BCAS3: variants seen among roughly 807,000 people sequenced by gnomAD.
BCAS3 encodes BCAS4/BCAS3 fusion.
In BCAS3, 53 loss-of-function variants were observed where a neutral mutation model predicts 116.1. The ratio of observed to expected loss-of-function variants is 0.46; its 90% CI spans 0.37 to 0.57. The LOEUF (loss-of-function observed/expected upper bound fraction) is 0.57. BCAS3 is among the 20% of genes least tolerant of loss of function. The probability of loss-of-function intolerance (pLI) is 0.00; values close to 1 mark genes in which losing one functional copy is unlikely to be tolerated. For synonymous variants in BCAS3, 391 were observed against 408.2 expected, an observed-to-expected ratio of 0.96 and a Z score of 0.51; for missense variants, 917 against 1,165.4, an observed-to-expected ratio of 0.79 and a Z score of 3.10.
In BCAS3 at chr17:60,799,735, T is replaced by TTTTTTTTA. The variant is rs1429156594; in HGVS notation, c.404-8269_404-8268insTTTTTTTA. On this transcript the variant is annotated intron_variant, in intron 6 of 23. Transcript: ENST00000407086. ...TTTTTTTTTTTTTTTTTTTTTTTTT[T>TTTTTTTTA]AGTAGAACTGGGGTTTCACCATGTT... Among the ~76,000 whole-genome samples the TTTTTTTTA allele has an allele frequency of 2.7e-4, 27 of 100,560 alleles. 2 individuals are homozygous for TTTTTTTTA. Among genetic ancestry groups the TTTTTTTTA allele is most frequent in the African/African-American group, 9.4e-4 (27 of 28,784 alleles). 66.0% of individuals were successfully genotyped at this position (100,560 alleles called of 152,430 possible).
At chr17:60,935,147 G>A (rs780555892) in intron 13 of BCAS3, among the ~76,000 whole-genome samples, 2 of 152,136 alleles carry the variant, frequency 1.3e-5, no homozygotes, top group Non-Finnish European at 2.9e-5. Flanking sequence ...GAAGGTTTAT[G>A]TATGGACTTA....
intron 22 of BCAS3, among the ~76,000 whole-genome samples, chr17:61,230,675 C>A (rs1480517557): frequency 6.6e-6 from 1 of 152,166 alleles, no homozygotes; most frequent in East Asian, 1.9e-4. Context: ...CACATTTGCT[C>A]TATCCAATCT....
chr17:61,329,380 G>T (rs1295426561), intron 22 of BCAS3, among the ~76,000 whole-genome samples: 1 of 142,016 alleles, frequency 7.0e-6, no homozygotes, highest in Non-Finnish European at 1.5e-5. Context: ...TCGCTCTGTC[G>T]CCCAGGCCGG....
At chr17:60,903,588 C>G (rs923825368) in intron 11 of BCAS3, among the ~76,000 whole-genome samples, 3 of 152,182 alleles carry the variant, frequency 2.0e-5, no homozygotes, top group African/African-American at 7.2e-5. Context: ...GCTGGGACTA[C>G]GGGCGCATGC....
At chr17:61,002,591 C>T (rs977812544) in intron 15 of BCAS3, 3 of 152,088 alleles carry the variant, frequency 2.0e-5, no homozygotes, top group Non-Finnish European at 4.4e-5. Flanking sequence ...TATTCTTCAA[C>T]GTCTTCTTAG....
At chr17:61,067,273 G>GTATGTATATA (rs1555696736) in intron 19 of BCAS3, among the ~76,000 whole-genome samples, 5 of 58,800 alleles carry the variant, frequency 8.5e-5, no homozygotes, top group Admixed American at 2.1e-4. Flanking sequence ...GTGTGTATGT[G>GTATGTATATA]TATATATATA....
chr17:61,167,013 C>T (rs541128109), intron 22 of BCAS3, among the ~76,000 whole-genome samples: 1 of 152,318 alleles, frequency 6.6e-6, no homozygotes, highest in South Asian at 2.1e-4. Context: ...TTCCAAAGTG[C>T]TGGGATTACA....
At chr17:61,183,815 GGCT>G (rs1396038310) in intron 22 of BCAS3, among the ~76,000 whole-genome samples, 1 of 152,212 alleles carries the variant, frequency 6.6e-6, no homozygotes, top group African/African-American at 2.4e-5. Context: ...ATTGTTGATA[GGCT>G]GAAAGCCAAA....
intron 22 of BCAS3, among the ~76,000 whole-genome samples, chr17:61,257,348 G>A (rs1001501669): frequency 2.0e-5 from 3 of 149,830 alleles, no homozygotes; most frequent in Non-Finnish European, 4.4e-5. Context: ...GTGAACCTGG[G>A]AGGCGGAGGT....
At chr17:60,815,972 T>A (rs1433502700) in intron 7 of BCAS3, among the ~76,000 whole-genome samples, 1 of 152,212 alleles carries the variant, frequency 6.6e-6, no homozygotes, top group Non-Finnish European at 1.5e-5. Context: ...ACTCATCCTT[T>A]ATTTTTTAGT....
At chr17:60,734,150 T>C (rs929494867) in intron 5 of BCAS3, among the ~76,000 whole-genome samples, 2 of 152,220 alleles carry the variant, frequency 1.3e-5, no homozygotes, top group African/African-American at 2.4e-5. Context: ...ATCCCCAGGC[T>C]AGAGTTTTGC....
intron 22 of BCAS3, among the ~76,000 whole-genome samples, chr17:61,091,385 A>G (rs1407315592): frequency 2.6e-5 from 4 of 151,898 alleles, no homozygotes; most frequent in African/African-American, 7.2e-5. Context: ...GCATCACACT[A>G]TGGTGGCAGG....
intron 22 of BCAS3, among the ~76,000 whole-genome samples, chr17:61,322,802 G>GAGAGAGAGAGAGAGAGAGAGAGAGAGAC (rs1568850137): frequency 8.0e-5 from 10 of 125,390 alleles, no homozygotes; most frequent in South Asian, 2.6e-4. Flanking sequence ...GACAGAGAGA[G>GAGAGAGAGAGAGAGAGAGAGAGAGAGAC]AGAGAGAGAG....
chr17:60,978,512 TC>T (rs1216504629), intron 14 of BCAS3, among the ~76,000 whole-genome samples: 2 of 149,548 alleles, frequency 1.3e-5, no homozygotes, highest in Non-Finnish European at 3.0e-5. Context: ...TTTAATTAGA[TC>T]CCATTTGTCA....
At position 61,195,959 on chromosome 17, in the gene BCAS3, A is replaced by G. The variant is rs148958640; in HGVS notation, c.2425+111395A>G. On this transcript the variant is annotated intron_variant, in intron 22 of 23. Transcript: ENST00000407086. ...CTGATTTTTATCTTTTTGTGCTGTT[A>G]AAGTATAAGGATCTAGAATTTTTAT... is the stretch of plus-strand genomic sequence containing the variant. Among the ~76,000 whole-genome samples the G allele has an allele frequency of 8.4e-4, 128 of 152,360 alleles. 1 individual carries two copies. The highest frequency in any genetic ancestry group is 2.9e-3 in the African/African-American group (119 of 41,586).
intron 22 of BCAS3, among the ~76,000 whole-genome samples, chr17:61,194,364 C>T (rs558680247): frequency 6.6e-6 from 1 of 152,190 alleles, no homozygotes; most frequent in East Asian, 1.9e-4. Flanking sequence ...TCAGTTAATT[C>T]CCCCAGCAAG....
chr17:60,924,122 A>G (rs1427638368), intron 12 of BCAS3, among the ~76,000 whole-genome samples: 4 of 151,922 alleles, frequency 2.6e-5, no homozygotes, highest in African/African-American at 9.7e-5. Flanking sequence ...TGATTGTATC[A>G]TTTTTTTTCC....
chr17:61,153,199 A>G (rs548761114), intron 22 of BCAS3, among the ~76,000 whole-genome samples: 2 of 152,238 alleles, frequency 1.3e-5, no homozygotes, highest in South Asian at 4.2e-4. Flanking sequence ...AGTGTTTTCA[A>G]CTATTGTAAC....
Position 61,136,315 on chromosome 17 carries a change from C to A in BCAS3, c.2425+51751C>A, listed in dbSNP as rs565874311. On this transcript the variant is annotated intron_variant, in intron 22 of 23. Transcript: ENST00000407086. The surrounding 1 kb of genome is among the most constrained non-coding windows in gnomAD (Gnocchi z 4.4). ...AGCTTTGTTTCCACCTTGCATTCAC[C>A]CACTAGACAGTAAGCTTTTTCAAGA... is the stretch of plus-strand genomic sequence containing the variant. Among the ~76,000 whole-genome samples, 166 of 152,304 alleles carry A rather than the reference C, an allele frequency of 1.1e-3. 1 individual carries two copies. The highest frequency in any genetic ancestry group is 1.8e-3 in the Non-Finnish European group (121 of 68,024).
Sources: allele counts gnomAD v4.1 joint callset (sites outside exome capture counted in the v4.1 genomes callset), GRCh38; gene constraint gnomAD v4.1.1; non-coding constraint Gnocchi (gnomAD v3.1); transcripts MANE v1.5; gene names NCBI Gene and HGNC (gene_info 2026-07-23, HGNC 2026-07-21).